The following BTRC variants were observed in gnomAD, a reference collection of about 807,000 sequenced individuals.
BTRC encodes beta-transducin repeat containing E3 ubiquitin protein ligase.
A neutral mutation model predicts 85.5 loss-of-function variants in BTRC; 42 were observed. The ratio of observed to expected loss-of-function variants is 0.49; its 90% CI spans 0.38 to 0.64. The LOEUF is 0.64. Ranked by LOEUF, BTRC falls within the 30% of genes least tolerant of loss-of-function variation. BTRC has a pLI of 0.00. For synonymous variants in BTRC, 255 were observed against 263.3 expected (o/e 0.97, Z 0.30); for missense variants, 594 against 743.5 (o/e 0.80, Z 2.34).
chr10:101,515,314 A>G (rs1589579736), intron 4 of BTRC, among the ~76,000 whole-genome samples: 1 of 151,866 alleles, frequency 6.6e-6, no homozygotes, highest in South Asian at 2.1e-4. Context: ...TTTCTTTACA[A>G]ATTTTAGAAT....
At chr10:101,531,852 A>G (rs552526258) in intron 7 of BTRC, among the ~76,000 whole-genome samples, 3 of 152,334 alleles carry the variant, frequency 2.0e-5, no homozygotes, top group Non-Finnish European at 4.4e-5. Flanking sequence ...AAAGAGATTG[A>G]TCCCTTCATA....
chr10:101,362,166 G>A (rs886257731), intron 1 of BTRC, among the ~76,000 whole-genome samples: 7 of 151,666 alleles, frequency 4.6e-5, no homozygotes, highest in Non-Finnish European at 8.8e-5. Context: ...TCACCATGTT[G>A]GCCAGGACAG....
intron 4 of BTRC, among the ~76,000 whole-genome samples, chr10:101,488,606 G>A (rs558328768): frequency 2.4e-4 from 36 of 152,096 alleles, no homozygotes; most frequent in Non-Finnish European, 4.9e-4. Flanking sequence ...CTTTAATTTT[G>A]GGAAAGTATA....
chr10:101,474,399 C>T (rs982450905), intron 3 of BTRC, among the ~76,000 whole-genome samples: 3 of 152,200 alleles, frequency 2.0e-5, no homozygotes, highest in Non-Finnish European at 2.9e-5. Flanking sequence ...GATGTTATTA[C>T]ATCCCTCTAA....
intron 2 of BTRC, among the ~76,000 whole-genome samples, chr10:101,453,862 T>G (rs186975612): frequency 1.1e-3 from 173 of 152,334 alleles, no homozygotes; most frequent in African/African-American, 3.8e-3. Flanking sequence ...GGGCAGATAA[T>G]AAACATTTGA....
intron 1 of BTRC, among the ~76,000 whole-genome samples, chr10:101,355,409 T>C (rs986836920): frequency 6.6e-6 from 1 of 152,216 alleles, no homozygotes; most frequent in African/African-American, 2.4e-5. Context: ...ACGCTTTTCT[T>C]TTTGCTGTGC....
intron 2 of BTRC, among the ~76,000 whole-genome samples, chr10:101,461,489 T>G (rs1945224850): frequency 6.6e-6 from 1 of 152,140 alleles, no homozygotes; most frequent in Non-Finnish European, 1.5e-5. Context: ...ACTGAGTAAA[T>G]GTTTTTTTAA....
chr10:101,518,460 G>A (rs2134356521), intron 4 of BTRC, among the ~76,000 whole-genome samples: 1 of 152,260 alleles, frequency 6.6e-6, no homozygotes, highest in South Asian at 2.1e-4. Context: ...AGAAGTCCCA[G>A]AATGGAATGC....
intron 3 of BTRC, among the ~76,000 whole-genome samples, chr10:101,477,771 T>A (rs1447408205): frequency 4.6e-5 from 7 of 152,088 alleles, no homozygotes; most frequent in Non-Finnish European, 8.8e-5. Context: ...TCCCTCAGCC[T>A]CCTGAGTAGC....
At chr10:101,419,061 A>T (rs1944026846) in intron 1 of BTRC, among the ~76,000 whole-genome samples, 1 of 148,542 alleles carries the variant, frequency 6.7e-6, no homozygotes. Context: ...CCCAGGCTGG[A>T]GTGCAGTGGC....
intron 1 of BTRC, among the ~76,000 whole-genome samples, chr10:101,373,290 A>T (rs1009310842): frequency 6.6e-6 from 1 of 152,168 alleles, no homozygotes; most frequent in African/African-American, 2.4e-5. Context: ...AGTGGATTAG[A>T]CTAGGGAGGG....
intron 4 of BTRC, among the ~76,000 whole-genome samples, chr10:101,483,125 T>G (rs189656017): frequency 6.6e-6 from 1 of 152,296 alleles, no homozygotes; most frequent in East Asian, 1.9e-4. Context: ...CTATAATACC[T>G]TGATTGTAAC....
intron 5 of BTRC, among the ~76,000 whole-genome samples, chr10:101,522,378 A>AC (rs2062125428): frequency 6.0e-5 from 2 of 33,316 alleles, no homozygotes; most frequent in Admixed American, 3.2e-4. Flanking sequence ...AAAAAAAAAC[A>AC]AAAAAAAAAA....
At chr10:101,521,558 C>A in intron 4 of BTRC, 81 bp from the exon 5 acceptor site, 1 of 999,364 alleles carries the variant, frequency 1.0e-6, no homozygotes. Flanking sequence ...CATAATATAG[C>A]ATGCCATACC....
intron 4 of BTRC, among the ~76,000 whole-genome samples, chr10:101,509,577 A>T: frequency 7.5e-6 from 1 of 133,520 alleles, no homozygotes. Flanking sequence ...TTTTGAGACA[A>T]GGTCTCTCTC....
chr10:101,378,213 C>T (rs1211196897), intron 1 of BTRC, among the ~76,000 whole-genome samples: 1 of 151,972 alleles, frequency 6.6e-6, no homozygotes, highest in Non-Finnish European at 1.5e-5. Context: ...AAGCAGCAGT[C>T]TGTATTATAA....
At chr10:101,492,350 C>T (rs1461489843) in intron 4 of BTRC, among the ~76,000 whole-genome samples, 4 of 152,056 alleles carry the variant, frequency 2.6e-5, no homozygotes, top group African/African-American at 9.7e-5. Flanking sequence ...GAGTCTGTAG[C>T]GTGACTCTGT....
chr10:101,543,211 C>T (rs2062498260), intron 13 of BTRC, among the ~76,000 whole-genome samples: 1 of 152,160 alleles, frequency 6.6e-6, no homozygotes, highest in Admixed American at 6.5e-5. Context: ...TTATTGGGTA[C>T]CTGCGTGCTT....
At chr10:101,482,393 C>CTTTTTTTTTTTTTTTTTTTT (rs55978440) in intron 4 of BTRC, among the ~76,000 whole-genome samples, 26 of 99,818 alleles carry the variant, frequency 2.6e-4, no homozygotes, top group South Asian at 7.3e-4. Context: ...TTGTTTGTTT[C>CTTTTTTTTTTTTTTTTTTTT]TTTTTTTTTT....
Sources: gnomAD v4.1 joint callset for allele counts (sites outside exome capture counted in the v4.1 genomes callset) on GRCh38, gnomAD v4.1.1 for gene constraint, MANE v1.5 for transcripts, NCBI Gene and HGNC (gene_info 2026-07-23, HGNC 2026-07-21) for gene names.